NR2F1-AS1: variants seen among roughly 807,000 people sequenced by gnomAD.
NR2F1-AS1 encodes NR2F1 antisense RNA 1.
At chr5:93,433,674 C>T (rs1260704990) in intron 4 of NR2F1-AS1, among the ~76,000 whole-genome samples, 1 of 152,140 alleles carries the variant, frequency 6.6e-6, no homozygotes, top group Non-Finnish European at 1.5e-5. Context: ...AAGTAGGATG[C>T]TTTTGACATT....
intron 4 of NR2F1-AS1, among the ~76,000 whole-genome samples, chr5:93,453,970 T>G (rs1228705434): frequency 6.6e-6 from 1 of 152,208 alleles, no homozygotes; most frequent in Non-Finnish European, 1.5e-5. Context: ...TTTCCTCATA[T>G]TTTAATCTTT....
chr5:93,529,258 G>A (rs566337732), intron 4 of NR2F1-AS1, among the ~76,000 whole-genome samples: 103 of 152,234 alleles, frequency 6.8e-4, no homozygotes, highest in African/African-American at 2.4e-3. Context: ...CTGTTTTAAA[G>A]GTATGGGGCT....
At chr5:93,518,467 A>T (rs934963166) in intron 4 of NR2F1-AS1, among the ~76,000 whole-genome samples, 4 of 152,110 alleles carry the variant, frequency 2.6e-5, no homozygotes, top group African/African-American at 9.6e-5. Flanking sequence ...GGGAGATAAG[A>T]TCCCCATTTT....
chr5:93,496,426 A>T (rs1318613156), intron 4 of NR2F1-AS1, among the ~76,000 whole-genome samples: 1 of 152,158 alleles, frequency 6.6e-6, no homozygotes, highest in Admixed American at 6.6e-5. Flanking sequence ...GCCCTTGTAG[A>T]AGGACACACC....
At chr5:93,553,727 T>G (rs1396836025) in intron 4 of NR2F1-AS1, 1 of 152,206 alleles carries the variant, frequency 6.6e-6, no homozygotes, top group Non-Finnish European at 1.5e-5. Context: ...AACATTAACA[T>G]GATCCTTCAT....
At chr5:93,459,142 C>T (rs536930598) in intron 4 of NR2F1-AS1, among the ~76,000 whole-genome samples, 23 of 152,220 alleles carry the variant, frequency 1.5e-4, no homozygotes, top group Non-Finnish European at 4.4e-5. Context: ...AAAAATAAGA[C>T]AATAACTCAA....
chr5:93,549,491 C>A (rs1388157877), intron 4 of NR2F1-AS1, among the ~76,000 whole-genome samples: 2 of 152,150 alleles, frequency 1.3e-5, no homozygotes, highest in Non-Finnish European at 2.9e-5. Context: ...CTTATATACA[C>A]AAAGCTTCCA....
intron 1 of NR2F1-AS1, among the ~76,000 whole-genome samples, chr5:93,573,374 G>A (rs539810273): frequency 7.9e-5 from 12 of 152,294 alleles, no homozygotes; most frequent in African/African-American, 2.9e-4. Context: ...GTAGCGTTTA[G>A]GACAAAGGGG....
At chr5:93,569,294 G>A (rs1752689317) in intron 1 of NR2F1-AS1, among the ~76,000 whole-genome samples, 1 of 152,156 alleles carries the variant, frequency 6.6e-6, no homozygotes, top group Admixed American at 6.5e-5. Context: ...GGCTTTAAGG[G>A]CTATGTCAAA....
Position 93,578,659 on chromosome 5 carries a change from G to A in NR2F1-AS1, n.313+1808C>T, listed in dbSNP as rs76258675. 4.6e-4 allele frequency among the ~76,000 whole-genome samples: 70 copies of A among 152,296 alleles called. No homozygotes were observed. The East Asian group carries it at 0.013, about 29-fold the overall frequency. ...GTCCAGACTCAGCTTAAGGTTCCGA[G>A]GTGAAAGGCCTGGCCTAGAAGGGAG... On this transcript the variant is annotated intron_variant and non_coding_transcript_variant, in intron 1 of 5. Transcript: ENST00000660523.
intron 4 of NR2F1-AS1, among the ~76,000 whole-genome samples, chr5:93,485,651 A>C (rs1470163435): frequency 6.6e-6 from 1 of 152,202 alleles, no homozygotes; most frequent in Non-Finnish European, 1.5e-5. Flanking sequence ...AAACCCTTCA[A>C]AAAGTCAATG....
chr5:93,537,014 C>T (rs753826868), intron 4 of NR2F1-AS1, among the ~76,000 whole-genome samples: 37 of 152,278 alleles, frequency 2.4e-4, no homozygotes, highest in African/African-American at 8.7e-4. Context: ...CCTTGCCTTT[C>T]GCTATGATTG....
intron 4 of NR2F1-AS1, among the ~76,000 whole-genome samples, chr5:93,489,106 G>A (rs1750785916): frequency 6.6e-6 from 1 of 152,086 alleles, no homozygotes; most frequent in South Asian, 2.1e-4. Context: ...GGAGGGTGGA[G>A]GACTATGGAA....
chr5:93,585,127 G>C (rs1753206342), upstream of NR2F1-AS1: 7 of 1,013,692 alleles, frequency 6.9e-6, no homozygotes, highest in Non-Finnish European at 7.1e-6. Context: ...GGCGGCGGCG[G>C]CGGCGCCGGC....
intron 1 of NR2F1-AS1, among the ~76,000 whole-genome samples, chr5:93,569,499 G>C (rs1204767249): frequency 6.6e-6 from 1 of 152,176 alleles, no homozygotes; most frequent in Non-Finnish European, 1.5e-5. Context: ...TGAAGAAATG[G>C]AGCGCTGGTG....
At chr5:93,564,636 G>T (rs1352205659) in intron 1 of NR2F1-AS1, among the ~76,000 whole-genome samples, 11 of 152,124 alleles carry the variant, frequency 7.2e-5, no homozygotes, top group Admixed American at 5.9e-4. Context: ...CCAACAGAAG[G>T]TCATTTATGA....
chr5:93,556,982 AT>A (rs1353601905), intron 2 of NR2F1-AS1, among the ~76,000 whole-genome samples: 1 of 152,220 alleles, frequency 6.6e-6, no homozygotes, highest in African/African-American at 2.4e-5. Flanking sequence ...AATCAAAAAA[AT>A]ATCTTGCTAT....
intron 4 of NR2F1-AS1, chr5:93,432,317 T>G (rs967097355): frequency 6.6e-6 from 1 of 152,212 alleles, no homozygotes; most frequent in Non-Finnish European, 1.5e-5. Flanking sequence ...TTAATTCTAC[T>G]GAAACACCAA....
chr5:93,476,740 C>G (rs190311017), intron 4 of NR2F1-AS1, among the ~76,000 whole-genome samples: 18 of 152,194 alleles, frequency 1.2e-4, no homozygotes, highest in Admixed American at 2.0e-4. Context: ...TAGTAGGTAT[C>G]CCCTTGAGGA....
Sources: allele counts gnomAD v4.1 joint callset (sites outside exome capture counted in the v4.1 genomes callset), GRCh38; gene constraint gnomAD v4.1.1; transcripts MANE v1.5; gene names NCBI Gene and HGNC (gene_info 2026-07-23, HGNC 2026-07-21).